The following CCT3 variants were observed in gnomAD, a reference collection of about 807,000 sequenced individuals.
The protein encoded by CCT3 is T-complex protein 1 subunit gamma.
CCT3 carries 10 observed loss-of-function variants against 65.3 expected under a neutral mutation model. The observed-to-expected ratio is 0.15, with a 90% confidence interval of 0.09 to 0.26. CCT3 has a LOEUF of 0.26. CCT3 is among the 10% of genes least tolerant of loss of function. The pLI is 1.00. For missense variants in CCT3, 626 were observed against 708.7 expected, an observed-to-expected ratio of 0.88 and a Z score of 1.33; for synonymous variants, 225 against 242.3, an observed-to-expected ratio of 0.93 and a Z score of 0.66.
intron 13 of CCT3, 80 bp from the exon 14 acceptor site, chr1:156,309,383 A>T: frequency 1.1e-6 from 1 of 937,324 alleles, no homozygotes; most frequent in Non-Finnish European, 1.7e-6. Context: ...TATCACCTAG[A>T]TGCTACTATG....
chr1:156,311,929 G>T, intron 11 of CCT3, 112 bp downstream of exon 11: 6 of 740,156 alleles, frequency 8.1e-6, no homozygotes, highest in Non-Finnish European at 9.7e-6. Flanking sequence ...GTGGCTATAG[G>T]TCCAAATTAA....
At chr1:156,319,279 ATT>A (rs144888660) in intron 7 of CCT3, among the ~76,000 whole-genome samples, 6 of 147,714 alleles carry the variant, frequency 4.1e-5, no homozygotes, top group Admixed American at 2.0e-4. Context: ...CACCCGGCTA[ATT>A]TTTTTTTTTG....
intron 5 of CCT3, among the ~76,000 whole-genome samples, chr1:156,331,000 G>A (rs773382453): frequency 6.6e-6 from 1 of 151,954 alleles, no homozygotes; most frequent in Non-Finnish European, 1.5e-5. Context: ...TTGGGAGGCT[G>A]AGGCAGGTGG....
At chr1:156,314,743 AC>A (rs1664237403) in intron 10 of CCT3, among the ~76,000 whole-genome samples, 1 of 151,986 alleles carries the variant, frequency 6.6e-6, no homozygotes, top group Admixed American at 6.6e-5. Flanking sequence ...AACAAAAAAA[AC>A]CAAACAGAAG....
chr1:156,322,648 G>A (rs1415599895), intron 6 of CCT3, among the ~76,000 whole-genome samples: 1 of 151,476 alleles, frequency 6.6e-6, no homozygotes, highest in Non-Finnish European at 1.5e-5. Context: ...ACCTGAGGTC[G>A]GGAGTTTGAG....
At chr1:156,313,363 AGAGAGAGAG>A (rs1180928344) in intron 10 of CCT3, among the ~76,000 whole-genome samples, 6 of 101,616 alleles carry the variant, frequency 5.9e-5, no homozygotes, top group African/African-American at 2.0e-4. Context: ...AAAAAAAAAA[AGAGAGAGAG>A]AGAGAGAGAG....
intron 12 of CCT3, 83 bp downstream of exon 12, chr1:156,310,867 G>A (rs1664056199): frequency 6.6e-7 from 1 of 1,517,584 alleles, no homozygotes; most frequent in Non-Finnish European, 8.9e-7. Flanking sequence ...AAGAGAATTT[G>A]GATAGCCAGA....
rs764984004 is a variant in CCT3 at position 156,310,692 on chromosome 1, G to A, written c.1402-3C>T. 1 of 1,611,198 alleles carries A rather than the reference G, an allele frequency of 6.2e-7. No homozygotes were observed. The highest frequency in any genetic ancestry group is 1.1e-5 in the South Asian group (1 of 90,670). The stretch of plus-strand genomic sequence containing the variant: ...CAGTTCTCCTGGGTGTGCTTGGCCT[G>A]CAATTGAAGCAAGAAGTAAAGGGGA... On this transcript the variant is annotated splice_region_variant and splice_polypyrimidine_tract_variant and intron_variant, in intron 12 of 13. Transcript: ENST00000295688.
intron 1 of CCT3, chr1:156,337,331 C>A: frequency 3.8e-6 from 1 of 263,408 alleles, no homozygotes; most frequent in Non-Finnish European, 7.5e-6. Context: ...TCGCTTGAAC[C>A]TGGGAGGCAG....
At chr1:156,328,071 TGG>T (rs1228671941) in intron 5 of CCT3, among the ~76,000 whole-genome samples, 1 of 4,628 alleles carries the variant, frequency 2.2e-4, no homozygotes, top group Non-Finnish European at 4.3e-4. Flanking sequence ...GGCAGGGAGG[TGG>T]GGGGGTCAGC....
intron 10 of CCT3, among the ~76,000 whole-genome samples, chr1:156,314,441 G>A (rs902173798): frequency 6.6e-6 from 1 of 152,154 alleles, no homozygotes; most frequent in Non-Finnish European, 1.5e-5. Context: ...CAGGCCAGGT[G>A]CAGTGGCTCA....
At chr1:156,309,687 A>C (rs991461085) in intron 13 of CCT3, among the ~76,000 whole-genome samples, 1 of 151,714 alleles carries the variant, frequency 6.6e-6, no homozygotes, top group Non-Finnish European at 1.5e-5. Flanking sequence ...TAGCCTCCCA[A>C]AGTGCTGGGA....
At chr1:156,309,364 CTT>C (rs753592624) in intron 13 of CCT3, 61 bp from the exon 14 acceptor site, 16 of 1,106,374 alleles carry the variant, frequency 1.4e-5, no homozygotes, top group Non-Finnish European at 2.8e-6. Flanking sequence ...CTTTTCTTTC[CTT>C]TAGATCTATC....
intron 10 of CCT3, among the ~76,000 whole-genome samples, chr1:156,312,430 C>A (rs1352276012): frequency 6.6e-6 from 1 of 152,026 alleles, no homozygotes; most frequent in Non-Finnish European, 1.5e-5. Flanking sequence ...GGAGGCCAGG[C>A]AAAAGGATTG....
chr1:156,325,793 G>A (rs970636614), intron 5 of CCT3, among the ~76,000 whole-genome samples: 2 of 151,868 alleles, frequency 1.3e-5, no homozygotes, highest in Non-Finnish European at 1.5e-5. Context: ...TGGTTGGCCA[G>A]GCTGGTCTCG....
intron 10 of CCT3, among the ~76,000 whole-genome samples, chr1:156,315,768 G>C (rs971693891): frequency 2.6e-5 from 4 of 152,036 alleles, no homozygotes; most frequent in East Asian, 1.9e-4. Context: ...ACTATAACCA[G>C]ATATAGTTGA....
At chr1:156,324,480 T>C (rs1347744158) in intron 6 of CCT3, among the ~76,000 whole-genome samples, 1 of 152,218 alleles carries the variant, frequency 6.6e-6, no homozygotes, top group Non-Finnish European at 1.5e-5. Flanking sequence ...TTTTCTTTTT[T>C]TTCTTCTGAG....
At position 156,317,436 on chromosome 1, in the gene CCT3, T is replaced by G; in HGVS notation, c.871A>C (p.Ile291Leu). ...DIIQLKPDVV[I>L]TEKGISDLAQ... is the part of the protein sequence containing the mutation. ...CCACCTGAGATGCCCTTTTCAGTGA[T>G]GACCACATCGGGCTTCAGTTGGATA... Residue 291 changes from isoleucine (I) to leucine (L), a missense_variant, in exon 9 of 14, where the codon ATC becomes CTC. Transcript: ENST00000295688. 1 of 1,613,274 alleles carries G rather than the reference T, an allele frequency of 6.2e-7. No homozygotes were observed. Among genetic ancestry groups the G allele is most frequent in the East Asian group, 2.2e-5 (1 of 44,858 alleles).
intron 2 of CCT3, chr1:156,335,210 G>A: frequency 2.9e-6 from 1 of 345,484 alleles, no homozygotes; most frequent in South Asian, 4.6e-5. Flanking sequence ...AGCATGGTTA[G>A]CCATCACTTT....
Sources: allele counts gnomAD v4.1 joint callset (sites outside exome capture counted in the v4.1 genomes callset), GRCh38; gene constraint gnomAD v4.1.1; transcripts MANE v1.5; gene names NCBI Gene and HGNC (gene_info 2026-07-23, HGNC 2026-07-21).